SETX: variants seen among roughly 807,000 people sequenced by gnomAD.
SETX encodes the protein senataxin.
SETX carries 90 observed loss-of-function variants against 227.2 expected under a neutral mutation model. The ratio of observed to expected loss-of-function variants is 0.40; its 90% CI spans 0.33 to 0.47. SETX has a LOEUF of 0.47. Among genes scored for constraint, SETX ranks in the 20% least tolerant of loss-of-function variants. The probability of loss-of-function intolerance (pLI) is 0.91; values close to 1 mark genes in which losing one functional copy is unlikely to be tolerated. For synonymous variants in SETX, 1,210 were observed against 1,113.2 expected (o/e 1.09, Z -1.73); for missense variants, 3,052 against 3,181.5 (o/e 0.96, Z 0.98).
rs943967671 is a variant in SETX, at chr9:132,336,489, T to C, written c.525A>G (p.Ala175=). Residue 175 remains alanine (A), a synonymous_variant, in exon 6 of 26, where the codon GCA becomes GCG. Coordinates refer to ENST00000224140, the MANE Select transcript of SETX (RefSeq NM_015046.7). Reference sequence around the variant, plus strand: ...CTCTGTCCACTTTCCCCAAGTTTCTTGCAGTCAAGATAGCCCAACGCCGAA... The same window carrying C: ...CTCTGTCCACTTTCCCCAAGTTTCTCGCAGTCAAGATAGCCCAACGCCGAA... ...EMVRRWAILT[A]RNLGKVDRDD... is the part of the protein sequence containing the mutation. 1.2e-6 allele frequency: 2 copies of C among 1,614,000 alleles called. No individual in the cohort carries two copies. The highest frequency in any genetic ancestry group is 1.3e-5 in the African/African-American group (1 of 74,930).
intron 24 of SETX, 102 bp from the exon 25 acceptor site, chr9:132,269,804 CA>C (rs1842808296): frequency 8.4e-7 from 1 of 1,185,232 alleles, no homozygotes; most frequent in Admixed American, 1.7e-5. Flanking sequence ...CCGTGTCTGA[CA>C]GAGGTGGAAT....
Position 132,329,823 on chromosome 9 carries a change from A to G in SETX, c.1775T>C (p.Ile592Thr). 1.2e-6 allele frequency: 2 copies of G among 1,614,016 alleles called. No individual in the cohort carries two copies. Among genetic ancestry groups the G allele is most frequent in the Non-Finnish European group, 1.7e-6 (2 of 1,179,988 alleles). Reference protein sequence around the residue: ...HELQSCLKQIIRNIKFKAPPC... With the variant: ...HELQSCLKQITRNIKFKAPPC... ...AGGTGCTTTGAATTTTATGTTTCTA[A>G]TAATTTGCTTTAAGCAACTTTGTAG... Residue 592 changes from isoleucine to threonine, a missense_variant, in exon 10 of 26, where the codon ATT becomes ACT. Physicochemically the swap from Ile to Thr is moderately conservative, Grantham distance 89. Transcript: ENST00000224140.
intron 10 of SETX, among the ~76,000 whole-genome samples, chr9:132,321,085 G>A (rs1177969458): frequency 6.6e-6 from 1 of 152,142 alleles, no homozygotes; most frequent in Non-Finnish European, 1.5e-5. Context: ...CACACTGAAT[G>A]CTCCAACACC....
intron 4 of SETX, among the ~76,000 whole-genome samples, chr9:132,344,217 T>C (rs1346199292): frequency 6.6e-6 from 1 of 151,954 alleles, no homozygotes; most frequent in Non-Finnish European, 1.5e-5. Context: ...CTTAAGATGG[T>C]TTTTGGGTTT....
At chr9:132,286,306 T>C (rs1338968964) in intron 18 of SETX, 117 bp downstream of exon 18, 1 of 750,530 alleles carries the variant, frequency 1.3e-6, no homozygotes, top group African/African-American at 1.8e-5. Flanking sequence ...AGAGACAGAG[T>C]GAGACTCTGT....
Position 132,321,718 on chromosome 9 carries a change from T to C in SETX, c.5274+4606A>G, listed in dbSNP as rs558201854. ...CAAAAATTAGCCGGGTGTGGTGGTG[T>C]GCACCTGTAGTCCCAGCTACTCAGG... On this transcript the variant is annotated intron_variant, in intron 10 of 25. Coordinates refer to ENST00000224140, the MANE Select transcript of SETX (RefSeq NM_015046.7). 1.3e-4 allele frequency among the ~76,000 whole-genome samples: 18 copies of C among 137,358 alleles called. 1 individual carries two copies. The East Asian group carries it at 3.3e-3, about 26-fold the overall frequency. 90.1% of individuals were successfully genotyped at this position (137,358 alleles called of 152,430 possible). A position where few individuals can be genotyped will look rare whatever the true frequency, so the allele number is the denominator to read the frequency against.
intron 3 of SETX, among the ~76,000 whole-genome samples, chr9:132,348,353 ACT>A (rs1848413597): frequency 9.2e-6 from 1 of 108,836 alleles, no homozygotes. Flanking sequence ...AGAGAGTGAG[ACT>A]CTGTCTCAAA....
Position 132,327,848 on chromosome 9 carries a change from T to C in SETX, c.3750A>G (p.Lys1250=). Residue 1250 remains lysine, a synonymous_variant, in exon 10 of 26, where the codon AAA becomes AAG. Transcript: ENST00000224140. Reference sequence around the variant, plus strand: ...AATTTGAACTTCTATTCTGTCCTTTTTTGGCATCTGAATGAGTTTTCTTAG... The same window carrying C: ...AATTTGAACTTCTATTCTGTCCTTTCTTGGCATCTGAATGAGTTTTCTTAG... ...KTPKKTHSDA[K]KGQNRSSNYL... The C allele has an allele frequency of 6.2e-7, 1 of 1,614,188 alleles. No homozygotes were observed. Among genetic ancestry groups the C allele is most frequent in the Non-Finnish European group, 8.5e-7 (1 of 1,180,032 alleles).
chr9:132,346,031 A>G (rs750719066), intron 4 of SETX, among the ~76,000 whole-genome samples: 11 of 152,186 alleles, frequency 7.2e-5, no homozygotes, highest in Non-Finnish European at 1.6e-4. Context: ...AAAAAAAATA[A>G]AAACAATCTT....
intron 2 of SETX, among the ~76,000 whole-genome samples, chr9:132,352,563 C>CAACATGGTGA (rs1848657466): frequency 6.6e-6 from 1 of 152,152 alleles, no homozygotes; most frequent in African/African-American, 2.4e-5. Flanking sequence ...CCATCCTGGC[C>CAACATGGTGA]AACATGGTGA....
At chr9:132,299,219 A>G (rs955120596) in intron 12 of SETX, among the ~76,000 whole-genome samples, 1 of 152,230 alleles carries the variant, frequency 6.6e-6, no homozygotes, top group Non-Finnish European at 1.5e-5. Flanking sequence ...TGAGGCCCCA[A>G]TTAACAAGAT....
chr9:132,280,397 T>C (rs973326920), intron 20 of SETX, among the ~76,000 whole-genome samples: 2 of 152,308 alleles, frequency 1.3e-5, no homozygotes, highest in South Asian at 4.1e-4. Context: ...AATGAAATCC[T>C]GCATCATTTA....
At chr9:132,283,184 A>C in intron 19 of SETX, 80 bp downstream of exon 19, 1 of 1,576,162 alleles carries the variant, frequency 6.3e-7, no homozygotes, top group South Asian at 1.1e-5. Context: ...ACATTTCCTC[A>C]ACATTTCAGC....
chr9:132,321,528 G>A (rs1206402701), intron 10 of SETX, among the ~76,000 whole-genome samples: 1 of 151,998 alleles, frequency 6.6e-6, no homozygotes, highest in Non-Finnish European at 1.5e-5. Context: ...ATGGTGGCAG[G>A]CACCTATAGT....
chr9:132,303,425 TA>T (rs1289862545), intron 11 of SETX, among the ~76,000 whole-genome samples: 1 of 146,372 alleles, frequency 6.8e-6, no homozygotes, highest in African/African-American at 2.5e-5. Context: ...ACACAAAAAT[TA>T]AACCATAAAA....
chr9:132,325,309 T>C (rs538297193), intron 10 of SETX, among the ~76,000 whole-genome samples: 18 of 151,966 alleles, frequency 1.2e-4, no homozygotes, highest in East Asian at 3.9e-4. Context: ...TGAGCCGAGA[T>C]TGCACCACTG....
chr9:132,296,715 A>T (rs529809855), intron 14 of SETX, among the ~76,000 whole-genome samples, 172 bp downstream of exon 14: 1 of 152,178 alleles, frequency 6.6e-6, no homozygotes, highest in East Asian at 1.9e-4. Flanking sequence ...TATTTCCCAT[A>T]ACCTTCCCTC....
intron 24 of SETX, 66 bp from the exon 25 acceptor site, chr9:132,269,768 G>A: frequency 1.3e-6 from 2 of 1,502,498 alleles, no homozygotes; most frequent in Non-Finnish European, 1.9e-6. Flanking sequence ...TGAGACAAAG[G>A]TGGACTCTAG....
chr9:132,334,748 A>G, intron 6 of SETX, 21 bp from the exon 7 acceptor site: 1 of 1,613,492 alleles, frequency 6.2e-7, no homozygotes, highest in Non-Finnish European at 8.5e-7. Context: ...ATTTAGAGTT[A>G]TCTTGAATTG....
Sources: gnomAD v4.1 joint callset for allele counts (sites outside exome capture counted in the v4.1 genomes callset) on GRCh38, gnomAD v4.1.1 for gene constraint, MANE v1.5 for transcripts, NCBI Gene and HGNC (gene_info 2026-07-23, HGNC 2026-07-21) for gene names.